CLIC4: variants seen among roughly 807,000 people sequenced by gnomAD.
CLIC4 encodes chloride intracellular channel protein 4.
In CLIC4, 13 loss-of-function variants were observed where a neutral mutation model predicts 24.6. That is an observed-to-expected ratio of 0.53 (90% CI 0.34 to 0.84). CLIC4 has a LOEUF of 0.84. Among genes scored for constraint, CLIC4 ranks in the 40% least tolerant of loss-of-function variants. The pLI is 0.01. For missense variants in CLIC4, 227 were observed against 301.7 expected, an observed-to-expected ratio of 0.75 and a Z score of 1.83; for synonymous variants, 104 against 111.3, an observed-to-expected ratio of 0.93 and a Z score of 0.41.
intron 1 of CLIC4, among the ~76,000 whole-genome samples, chr1:24,787,086 T>C (rs1030194849): frequency 6.6e-6 from 1 of 152,216 alleles, no homozygotes; most frequent in Non-Finnish European, 1.5e-5. Context: ...CACACCTGGC[T>C]AATTTTTTAA....
intron 1 of CLIC4, among the ~76,000 whole-genome samples, chr1:24,785,103 C>A (rs1345427729): frequency 7.2e-6 from 1 of 139,044 alleles, no homozygotes; most frequent in Non-Finnish European, 1.5e-5. Context: ...TTTTTTAAAG[C>A]ATCGGGTCGT....
At chr1:24,824,463 T>C (rs1404921741) in intron 3 of CLIC4, among the ~76,000 whole-genome samples, 1 of 152,084 alleles carries the variant, frequency 6.6e-6, no homozygotes, top group Non-Finnish European at 1.5e-5. Context: ...AGACAGAGTT[T>C]TGCCATGTTG....
intron 1 of CLIC4, among the ~76,000 whole-genome samples, chr1:24,755,520 G>A (rs1041004906): frequency 6.6e-6 from 1 of 151,386 alleles, no homozygotes; most frequent in African/African-American, 2.4e-5. Flanking sequence ...GAGGCCGGAG[G>A]ATCACTTGAG....
intron 1 of CLIC4, among the ~76,000 whole-genome samples, chr1:24,747,533 CAAAAAAAAAA>C (rs35626709): frequency 3.2e-5 from 3 of 92,700 alleles, no homozygotes; most frequent in African/African-American, 1.3e-4. Flanking sequence ...GACTCCATCT[CAAAAAAAAAA>C]AAAAAAAAGA....
intron 1 of CLIC4, among the ~76,000 whole-genome samples, chr1:24,762,393 C>A (rs1177442373): frequency 6.6e-6 from 1 of 152,156 alleles, no homozygotes; most frequent in Admixed American, 6.6e-5. Flanking sequence ...CACTGCACTG[C>A]CTGATGACGG....
chr1:24,766,860 A>T (rs1386569887), intron 1 of CLIC4, among the ~76,000 whole-genome samples: 2 of 151,482 alleles, frequency 1.3e-5, no homozygotes, highest in African/African-American at 4.9e-5. Flanking sequence ...GACCATTTGA[A>T]TTAATATTTC....
chr1:24,805,853 A>G (rs1179967318), intron 2 of CLIC4, among the ~76,000 whole-genome samples: 1 of 152,208 alleles, frequency 6.6e-6, no homozygotes, highest in Non-Finnish European at 1.5e-5. Flanking sequence ...TAGCTCCTAT[A>G]GGATTCCTCC....
chr1:24,803,631 A>T (rs535264948), intron 2 of CLIC4, among the ~76,000 whole-genome samples: 1 of 152,344 alleles, frequency 6.6e-6, no homozygotes, highest in South Asian at 2.1e-4. Context: ...TAGAAAAAAA[A>T]GGGCCCAGGC....
chr1:24,811,268 C>A (rs1191331849), intron 2 of CLIC4, among the ~76,000 whole-genome samples: 1 of 152,154 alleles, frequency 6.6e-6, no homozygotes, highest in Non-Finnish European at 1.5e-5. Flanking sequence ...CTTCTGCATT[C>A]ATTACCTTGT....
At chr1:24,808,326 TTATATAA>T (rs2124145744) in intron 2 of CLIC4, among the ~76,000 whole-genome samples, 1 of 152,322 alleles carries the variant, frequency 6.6e-6, no homozygotes, top group African/African-American at 2.4e-5. Flanking sequence ...CTCAAGTTTC[TTATATAA>T]AATGGAATAG....
At chr1:24,798,704 G>A (rs1639434817) in intron 2 of CLIC4, among the ~76,000 whole-genome samples, 2 of 152,104 alleles carry the variant, frequency 1.3e-5, no homozygotes, top group African/African-American at 4.8e-5. Context: ...CTCTCATGCG[G>A]AGCCGAAGCT....
chr1:24,788,703 C>T (rs1388507049), intron 1 of CLIC4, among the ~76,000 whole-genome samples: 2 of 152,164 alleles, frequency 1.3e-5, no homozygotes, highest in Non-Finnish European at 2.9e-5. Context: ...GCTTTTAAAT[C>T]TAATACTTCT....
At chr1:24,818,298 T>C (rs1639691243) in intron 3 of CLIC4, among the ~76,000 whole-genome samples, 1 of 152,168 alleles carries the variant, frequency 6.6e-6, no homozygotes, top group Admixed American at 6.5e-5. Flanking sequence ...TTTGTTTTGT[T>C]TTTTTTGAGA....
intron 1 of CLIC4, among the ~76,000 whole-genome samples, chr1:24,780,460 C>T (rs374917466): frequency 2.6e-5 from 4 of 152,152 alleles, no homozygotes; most frequent in Admixed American, 6.5e-5. Flanking sequence ...ACGATCTGGC[C>T]CCTGCCAACA....
At chr1:24,798,680 T>C (rs1304768786) in intron 2 of CLIC4, among the ~76,000 whole-genome samples, 1 of 151,756 alleles carries the variant, frequency 6.6e-6, no homozygotes, top group African/African-American at 2.4e-5. Flanking sequence ...TCTCCCTCTC[T>C]TTCCACGGTC....
At chr1:24,796,507 T>C (rs752568851) in intron 1 of CLIC4, among the ~76,000 whole-genome samples, 8 of 151,544 alleles carry the variant, frequency 5.3e-5, no homozygotes, top group Non-Finnish European at 1.2e-4. Flanking sequence ...ATTTTTATTC[T>C]ACTTTTTCTA....
rs531043087 is a variant in CLIC4, at chr1:24,774,590, C to T, written c.73-23152C>T. ...GGAAGATCTCTTGAGCCCAGGAGTT[C>T]GAGACCATCTTGGGCAACCTAGTGA... is the stretch of plus-strand genomic sequence containing the variant. On this transcript the variant is annotated intron_variant, in intron 1 of 5. Coordinates refer to ENST00000374379, the MANE Select transcript of CLIC4 (RefSeq NM_013943.3). 7.4e-4 allele frequency among the ~76,000 whole-genome samples: 113 copies of T among 151,844 alleles called. 5 individuals carry two copies. In the South Asian group the frequency reaches 0.021, roughly 28 times the overall value.
chr1:24,767,985 C>T (rs777647056), intron 1 of CLIC4, among the ~76,000 whole-genome samples: 2 of 151,842 alleles, frequency 1.3e-5, no homozygotes, highest in Non-Finnish European at 2.9e-5. Context: ...GGATTACAGG[C>T]GCTTGCCACC....
At chr1:24,839,639 A>G (rs1460533605) in intron 4 of CLIC4, among the ~76,000 whole-genome samples, 1 of 152,164 alleles carries the variant, frequency 6.6e-6, no homozygotes, top group Non-Finnish European at 1.5e-5. Flanking sequence ...GCCTGACATT[A>G]TTATGCTTAT....
Sources: gnomAD v4.1 joint callset for allele counts (sites outside exome capture counted in the v4.1 genomes callset) on GRCh38, gnomAD v4.1.1 for gene constraint, MANE v1.5 for transcripts, NCBI Gene and HGNC (gene_info 2026-07-23, HGNC 2026-07-21) for gene names.